The following HDAC9 variants were observed in gnomAD, a reference collection of about 807,000 sequenced individuals.
HDAC9 encodes the protein MEF-2 interacting transcription repressor (MITR) protein.
Under a neutral mutation model 139.4 loss-of-function variants are expected in HDAC9, and 41 were observed. The ratio of observed to expected loss-of-function variants is 0.29; its 90% CI spans 0.23 to 0.38. The LOEUF is 0.38. HDAC9 is among the 10% of genes least tolerant of loss of function. The pLI, the probability that HDAC9 is intolerant of heterozygous loss-of-function variation, is 1.00. For synonymous variants in HDAC9, 517 were observed against 476.2 expected, an observed-to-expected ratio of 1.09 and a Z score of -1.12; for missense variants, 1,147 against 1,297.0, an observed-to-expected ratio of 0.88 and a Z score of 1.78.
chr7:18,658,528 T>C (rs1157308031), intron 11 of HDAC9, among the ~76,000 whole-genome samples: 3 of 152,186 alleles, frequency 2.0e-5, no homozygotes, highest in Non-Finnish European at 4.4e-5. Context: ...CTCTTTAATA[T>C]TGCTTAGAAA....
At chr7:18,887,624 C>G (rs894518893) in intron 22 of HDAC9, among the ~76,000 whole-genome samples, 2 of 152,158 alleles carry the variant, frequency 1.3e-5, no homozygotes, top group African/African-American at 2.4e-5. Flanking sequence ...ACGAAATCTA[C>G]TATTGTTTTC....
intron 12 of HDAC9, among the ~76,000 whole-genome samples, chr7:18,711,179 A>G (rs1028521395): frequency 2.0e-5 from 3 of 152,194 alleles, no homozygotes; most frequent in African/African-American, 7.2e-5. Flanking sequence ...GGGGCAACTG[A>G]GGCTTTAAGG....
chr7:18,209,980 G>A (rs542297474), intron 2 of HDAC9, among the ~76,000 whole-genome samples: 5 of 151,924 alleles, frequency 3.3e-5, no homozygotes, highest in African/African-American at 4.8e-5. Context: ...GATTACAGGC[G>A]TGAGCCACCG....
chr7:18,314,302 T>C (rs1799500874), intron 1 of HDAC9, among the ~76,000 whole-genome samples: 1 of 152,208 alleles, frequency 6.6e-6, no homozygotes, highest in Non-Finnish European at 1.5e-5. Flanking sequence ...GCAGAGGATC[T>C]GCAGTCACTG....
At chr7:18,335,754 A>T (rs1037767073) in intron 1 of HDAC9, among the ~76,000 whole-genome samples, 2 of 151,594 alleles carry the variant, frequency 1.3e-5, no homozygotes, top group Non-Finnish European at 3.0e-5. Context: ...TAGCCCTGCT[A>T]TACCTGGGGT....
chr7:18,133,515 G>A (rs1443414607), intron 1 of HDAC9, among the ~76,000 whole-genome samples: 1 of 152,136 alleles, frequency 6.6e-6, no homozygotes, highest in Non-Finnish European at 1.5e-5. Flanking sequence ...TTAGCAGTGT[G>A]TGATGTCTGT....
At chr7:18,834,557 G>A (rs969372616) in intron 19 of HDAC9, among the ~76,000 whole-genome samples, 3 of 150,688 alleles carry the variant, frequency 2.0e-5, no homozygotes, top group Non-Finnish European at 4.4e-5. Context: ...TGGGAAAGAG[G>A]ACTGGTGTAG....
chr7:18,177,801 T>C (rs1005185127), intron 2 of HDAC9, among the ~76,000 whole-genome samples: 14 of 152,066 alleles, frequency 9.2e-5, no homozygotes, highest in Non-Finnish European at 1.9e-4. Flanking sequence ...AGTTAAGTAA[T>C]ATACTGCCCA....
chr7:18,216,227 A>G (rs1278262418), intron 2 of HDAC9, among the ~76,000 whole-genome samples: 7 of 152,078 alleles, frequency 4.6e-5, no homozygotes, highest in African/African-American at 7.2e-5. Context: ...AGCTTTTCCC[A>G]GAAAGTTTTC....
At chr7:18,585,057 T>C (rs912168572) in intron 2 of HDAC9, among the ~76,000 whole-genome samples, 2 of 152,210 alleles carry the variant, frequency 1.3e-5, no homozygotes, top group Non-Finnish European at 2.9e-5. Context: ...GGAGGATTCA[T>C]GGCAGAGTGC....
chr7:18,181,319 A>G (rs1789411906), intron 2 of HDAC9, among the ~76,000 whole-genome samples: 1 of 152,242 alleles, frequency 6.6e-6, no homozygotes, highest in South Asian at 2.1e-4. Context: ...GGCAATAGGA[A>G]TAACCCACTG....
intron 12 of HDAC9, among the ~76,000 whole-genome samples, chr7:18,725,549 G>A (rs1230732598): frequency 6.6e-6 from 1 of 152,124 alleles, no homozygotes; most frequent in Non-Finnish European, 1.5e-5. Context: ...GGAAGGAATA[G>A]GACTGGTTGG....
intron 2 of HDAC9, among the ~76,000 whole-genome samples, chr7:18,279,893 A>G (rs185013982): frequency 6.6e-6 from 1 of 152,214 alleles, no homozygotes; most frequent in East Asian, 1.9e-4. Context: ...TTATGATGTA[A>G]TTTTTCATTT....
intron 1 of HDAC9, among the ~76,000 whole-genome samples, chr7:18,105,808 G>T (rs1783159529): frequency 6.6e-6 from 1 of 152,050 alleles, no homozygotes; most frequent in African/African-American, 2.4e-5. Context: ...ATAATAGCCA[G>T]AAAGTGGAAA....
rs182088493 is a variant in HDAC9 at position 18,183,465 on chromosome 7, C to T, written c.25+21116C>T. Among the ~76,000 whole-genome samples, 1,132 of 152,258 alleles carry T rather than the reference C, an allele frequency of 7.4e-3. 6 individuals carry two copies. Among genetic ancestry groups the T allele is most frequent in the Non-Finnish European group, 0.011 (766 of 68,020 alleles). On this transcript the variant is annotated intron_variant, in intron 2 of 12. Transcript: ENST00000417496. ...ATCTAAAGAATTTCCTCAACTTTTGCTGCCTGTTTTTGTGACCCTGATTCA... is the reference window on the plus strand; with the variant it reads ...ATCTAAAGAATTTCCTCAACTTTTGTTGCCTGTTTTTGTGACCCTGATTCA...
At chr7:18,850,982 C>T (rs1050728300) in intron 21 of HDAC9, among the ~76,000 whole-genome samples, 5 of 152,176 alleles carry the variant, frequency 3.3e-5, no homozygotes, top group African/African-American at 1.2e-4. Context: ...TCCTAATATC[C>T]GTCTGGGTTA....
chr7:18,424,929 A>G (rs1030804871), intron 1 of HDAC9, among the ~76,000 whole-genome samples: 1 of 152,158 alleles, frequency 6.6e-6, no homozygotes, highest in African/African-American at 2.4e-5. Flanking sequence ...TTAAAATAAT[A>G]GTAATAAGAA....
intron 2 of HDAC9, among the ~76,000 whole-genome samples, chr7:18,522,314 G>A (rs1299881758): frequency 1.3e-5 from 2 of 152,158 alleles, no homozygotes; most frequent in Non-Finnish European, 2.9e-5. Flanking sequence ...CTCTTTAGAT[G>A]TGGGGATAGA....
chr7:18,993,377 A>G (rs1786159223), intron 25 of HDAC9, among the ~76,000 whole-genome samples: 1 of 152,212 alleles, frequency 6.6e-6, no homozygotes, highest in Non-Finnish European at 1.5e-5. Flanking sequence ...ATCTAGAGAC[A>G]CTGACTGACT....
Sources: gnomAD v4.1 joint callset for allele counts (sites outside exome capture counted in the v4.1 genomes callset) on GRCh38, gnomAD v4.1.1 for gene constraint, MANE v1.5 for transcripts, NCBI Gene and HGNC (gene_info 2026-07-23, HGNC 2026-07-21) for gene names.